The following NKAIN3 variants were observed in gnomAD, a reference collection of about 807,000 sequenced individuals.
The protein encoded by NKAIN3 is sodium/potassium transporting ATPase interacting 3, also known as sodium/potassium-transporting ATPase subunit beta-1-interacting protein 3.
A neutral mutation model predicts 30.2 loss-of-function variants in NKAIN3; 25 were observed. That is an observed-to-expected ratio of 0.83 (90% CI 0.60 to 1.16). The LOEUF is 1.16. Ranked by LOEUF, NKAIN3 falls within the 50% of genes most tolerant of loss-of-function variation. The pLI is 0.00. For synonymous variants in NKAIN3, 91 were observed against 89.6 expected (o/e 1.02, Z -0.09); for missense variants, 225 against 254.1 (o/e 0.89, Z 0.78).
intron 4 of NKAIN3, among the ~76,000 whole-genome samples, chr8:62,752,674 A>G (rs1816324706): frequency 6.6e-6 from 1 of 152,036 alleles, no homozygotes; most frequent in Admixed American, 6.6e-5. Flanking sequence ...CCTAAAAGCT[A>G]CTCTTTAACT....
rs539641275 is a variant in NKAIN3, at chr8:62,411,722, C to G, written c.54+162595C>G. On this transcript the variant is annotated intron_variant, in intron 1 of 6. Coordinates refer to ENST00000623646, the MANE Select transcript of NKAIN3 (RefSeq NM_001304533.3). ...TTTACTAAGGATTCAGGTTACAAGA[C>G]AGTGTACAATAATCAGTAGCATTTC... is the stretch of plus-strand genomic sequence containing the variant. 7.9e-5 allele frequency among the ~76,000 whole-genome samples: 12 copies of G among 152,220 alleles called. No homozygotes were observed. The East Asian group carries it at 2.3e-3, about 29-fold the overall frequency.
chr8:62,838,327 T>A (rs1464860602), intron 4 of NKAIN3, among the ~76,000 whole-genome samples: 2 of 151,756 alleles, frequency 1.3e-5, no homozygotes, highest in Admixed American at 6.6e-5. Flanking sequence ...TACATATATA[T>A]ATACACACAC....
chr8:62,552,890 A>T (rs16929168), intron 1 of NKAIN3, among the ~76,000 whole-genome samples: 2,065 of 152,312 alleles, frequency 0.014, 42 homozygotes, highest in African/African-American at 0.043. Flanking sequence ...GGTTACATGA[A>T]GTTGGCCATA....
chr8:62,732,083 G>A (rs773557071), intron 3 of NKAIN3, among the ~76,000 whole-genome samples: 2 of 151,782 alleles, frequency 1.3e-5, no homozygotes, highest in Admixed American at 6.6e-5. Flanking sequence ...GGGTACACTT[G>A]GGTTTTATTT....
chr8:62,415,357 T>C (rs1302496270), intron 1 of NKAIN3, among the ~76,000 whole-genome samples: 1 of 148,008 alleles, frequency 6.8e-6, no homozygotes, highest in African/African-American at 2.5e-5. Context: ...ATGATGATGA[T>C]GAGAGAGATC....
chr8:62,944,192 T>C (rs1344362366), intron 5 of NKAIN3, among the ~76,000 whole-genome samples: 1 of 152,170 alleles, frequency 6.6e-6, no homozygotes, highest in East Asian at 1.9e-4. Context: ...CCTGTTGTCC[T>C]ATGATGGCAC....
At chr8:62,940,302 G>A (rs1253929405) in intron 5 of NKAIN3, among the ~76,000 whole-genome samples, 3 of 152,070 alleles carry the variant, frequency 2.0e-5, no homozygotes, top group African/African-American at 7.2e-5. Flanking sequence ...TAGATAGGCA[G>A]CAACACAATA....
chr8:62,791,960 T>C (rs1283538225), intron 4 of NKAIN3, among the ~76,000 whole-genome samples: 1 of 152,162 alleles, frequency 6.6e-6, no homozygotes, highest in Non-Finnish European at 1.5e-5. Flanking sequence ...TTGATATGTA[T>C]GCATTGTGAG....
chr8:62,299,610 T>C (rs1813971671), intron 1 of NKAIN3, among the ~76,000 whole-genome samples: 1 of 152,150 alleles, frequency 6.6e-6, no homozygotes, highest in Non-Finnish European at 1.5e-5. Flanking sequence ...TTCAAACTAG[T>C]TTTAGAGAAA....
intron 1 of NKAIN3, among the ~76,000 whole-genome samples, chr8:62,377,764 G>A (rs1817136618): frequency 1.3e-5 from 2 of 152,142 alleles, no homozygotes; most frequent in South Asian, 2.1e-4. Context: ...CTGCCACCCT[G>A]TGGAGAGCTG....
At chr8:62,340,184 G>A (rs1056788602) in intron 1 of NKAIN3, among the ~76,000 whole-genome samples, 4 of 152,126 alleles carry the variant, frequency 2.6e-5, no homozygotes, top group Middle Eastern at 3.4e-3. Flanking sequence ...TAGTCATGTA[G>A]AAATATAATT....
At chr8:62,278,728 G>A (rs779060277) in intron 1 of NKAIN3, among the ~76,000 whole-genome samples, 9 of 152,106 alleles carry the variant, frequency 5.9e-5, no homozygotes, top group African/African-American at 9.6e-5. Context: ...TTATGGGTGC[G>A]TAGTATTCCA....
intron 6 of NKAIN3, among the ~76,000 whole-genome samples, chr8:62,964,822 C>A (rs75372564): frequency 6.8e-6 from 1 of 147,226 alleles, no homozygotes; most frequent in Non-Finnish European, 1.5e-5. Flanking sequence ...TAAAAAAAAA[C>A]ACCTTTACAG....
At chr8:62,995,912 A>G (rs959192371) in intron 5 of NKAIN3, among the ~76,000 whole-genome samples, 1 of 152,230 alleles carries the variant, frequency 6.6e-6, no homozygotes, top group Non-Finnish European at 1.5e-5. Flanking sequence ...CTCAAGCCTC[A>G]CCTCAGACTG....
intron 5 of NKAIN3, among the ~76,000 whole-genome samples, chr8:62,994,053 T>C (rs1161629732): frequency 6.6e-6 from 1 of 152,196 alleles, no homozygotes; most frequent in African/African-American, 2.4e-5. Flanking sequence ...ATCAGTAGTG[T>C]AGATTTGTCA....
intron 1 of NKAIN3, among the ~76,000 whole-genome samples, chr8:62,485,499 G>A (rs1196162234): frequency 1.3e-5 from 2 of 152,126 alleles, no homozygotes; most frequent in African/African-American, 4.8e-5. Flanking sequence ...TGTACTTGAA[G>A]GTCAGTAATA....
intron 4 of NKAIN3, among the ~76,000 whole-genome samples, chr8:62,849,564 A>C (rs375816135): frequency 6.6e-6 from 1 of 151,150 alleles, no homozygotes; most frequent in South Asian, 2.1e-4. Flanking sequence ...TCATCATTTA[A>C]CATTAGGTAT....
At chr8:62,988,106 T>C (rs911833592), downstream of NKAIN3, among the ~76,000 whole-genome samples, 2 of 152,210 alleles carry the variant, frequency 1.3e-5, no homozygotes, top group Non-Finnish European at 2.9e-5. Flanking sequence ...CACGTCCAGG[T>C]CACAGTGATG....
chr8:62,656,749 G>C (rs1322304333), intron 3 of NKAIN3, among the ~76,000 whole-genome samples: 1 of 152,124 alleles, frequency 6.6e-6, no homozygotes, highest in African/African-American at 2.4e-5. Flanking sequence ...AGAGTTCTCA[G>C]GCTTCCTATA....
Sources: gnomAD v4.1 joint callset for allele counts (sites outside exome capture counted in the v4.1 genomes callset) on GRCh38, gnomAD v4.1.1 for gene constraint, MANE v1.5 for transcripts, NCBI Gene and HGNC (gene_info 2026-07-23, HGNC 2026-07-21) for gene names.